The following RBFOX1 variants were observed in gnomAD, a reference collection of about 807,000 sequenced individuals.
RBFOX1 encodes the protein RNA binding fox-1 homolog 1.
In RBFOX1, 8 loss-of-function variants were observed where a neutral mutation model predicts 57.7. That is an observed-to-expected ratio of 0.14 (90% CI 0.08 to 0.25). The LOEUF is 0.25. Ranked by LOEUF, RBFOX1 falls within the 10% of genes least tolerant of loss-of-function variation. The pLI is 1.00. For missense variants in RBFOX1, 611 were observed against 548.5 expected (o/e 1.11, Z -1.14); for synonymous variants, 326 against 222.4 (o/e 1.47, Z -4.15).
intron 2 of RBFOX1, among the ~76,000 whole-genome samples, chr16:5,547,482 T>C (rs971380012): frequency 4.0e-5 from 6 of 151,734 alleles, no homozygotes; most frequent in Non-Finnish European, 5.9e-5. Context: ...AAAATCTTTA[T>C]GCTCAGTGAA....
intron 3 of RBFOX1, among the ~76,000 whole-genome samples, chr16:5,621,144 T>A (rs1160878514): frequency 6.6e-6 from 1 of 152,194 alleles, no homozygotes; most frequent in African/African-American, 2.4e-5. Context: ...CCCAGCCTGC[T>A]AATTTTTATT....
chr16:7,573,136 C>A (rs1170734131), intron 5 of RBFOX1, among the ~76,000 whole-genome samples: 1 of 152,136 alleles, frequency 6.6e-6, no homozygotes, highest in Non-Finnish European at 1.5e-5. Flanking sequence ...CAATGGGTGA[C>A]ACCTGGGCAG....
chr16:6,614,098 G>A (rs927728118), intron 2 of RBFOX1, among the ~76,000 whole-genome samples: 5 of 152,060 alleles, frequency 3.3e-5, no homozygotes, highest in African/African-American at 4.8e-5. Context: ...ATTTTATAAC[G>A]AATAGGTAAT....
At chr16:7,120,834 C>CACACACACACACACACACACAT (rs2066985459) in intron 4 of RBFOX1, among the ~76,000 whole-genome samples, 17 of 87,458 alleles carry the variant, frequency 1.9e-4, no homozygotes, top group Admixed American at 1.4e-3. Flanking sequence ...TATATATACA[C>CACACACACACACACACACACAT]ACACACACAC....
rs535109050 is a variant in RBFOX1 at position 5,538,793 on chromosome 16, A to T, written c.259-60109A>T. Among the ~76,000 whole-genome samples the T allele has an allele frequency of 1.3e-4, 20 of 151,852 alleles. No homozygotes were observed. In the East Asian group the frequency reaches 3.9e-3, roughly 30 times the overall value. On this transcript the variant is annotated intron_variant, in intron 2 of 2. Coordinates refer to the RBFOX1 transcript ENST00000585867. ...AGGCACGCACCACCATGCCCAGCTA[A>T]TTTTTTGTATTTTTAGTAGAGACAG...
chr16:6,824,431 C>A (rs1001679257), intron 3 of RBFOX1, among the ~76,000 whole-genome samples: 1 of 152,180 alleles, frequency 6.6e-6, no homozygotes, highest in Admixed American at 6.5e-5. Flanking sequence ...AGTTATCTTA[C>A]TGTCAAGGCA....
intron 1 of RBFOX1, among the ~76,000 whole-genome samples, chr16:5,445,529 C>T (rs1278216726): frequency 6.6e-6 from 1 of 152,204 alleles, no homozygotes; most frequent in Non-Finnish European, 1.5e-5. Flanking sequence ...AGTCAATGCA[C>T]TCCTACTTGT....
intron 1 of RBFOX1, among the ~76,000 whole-genome samples, chr16:6,065,765 A>C (rs2095753287): frequency 6.6e-6 from 1 of 152,180 alleles, no homozygotes; most frequent in South Asian, 2.1e-4. Flanking sequence ...TGTAATGCTT[A>C]TAACAGCCTC....
chr16:6,464,966 C>G (rs1184289168), intron 2 of RBFOX1, among the ~76,000 whole-genome samples: 2 of 152,198 alleles, frequency 1.3e-5, no homozygotes, highest in South Asian at 2.1e-4. Context: ...AAATCACTTA[C>G]TAGCTCAGGT....
chr16:6,297,753 G>T (rs896835246), intron 1 of RBFOX1, among the ~76,000 whole-genome samples: 2 of 152,124 alleles, frequency 1.3e-5, no homozygotes, highest in Non-Finnish European at 2.9e-5. Flanking sequence ...CAGAAGAATG[G>T]CAGAATGGCA....
chr16:5,254,667 C>T lies in RBFOX1; in HGVS notation c.219+14562C>T, dbSNP rs528771699. Reference sequence around the variant, plus strand: ...CTACAGCCTGCTTCCCACCTGCATCCCCCACCCAGCTTGTTCTGGATTTTG... The same window carrying T: ...CTACAGCCTGCTTCCCACCTGCATCTCCCACCCAGCTTGTTCTGGATTTTG... On this transcript the variant is annotated intron_variant, in intron 1 of 2. Transcript: ENST00000585867. 4.3e-4 allele frequency among the ~76,000 whole-genome samples: 66 copies of T among 152,254 alleles called. No homozygotes were observed. In the South Asian group the frequency reaches 5.8e-3, roughly 13 times the overall value.
At position 7,011,355 on chromosome 16, in the gene RBFOX1, A is replaced by C. The variant is rs560463962; in HGVS notation, c.-15-40702A>C. Among the ~76,000 whole-genome samples the C allele has an allele frequency of 5.9e-5, 9 of 152,318 alleles. No individual in the cohort carries two copies. In the South Asian group the frequency reaches 1.0e-3, roughly 18 times the overall value. The stretch of plus-strand genomic sequence containing the variant: ...CCCAGAAAGCTTAAGCAATTTGCCA[A>C]GGTCTTAAAGAGTGCAAGTGTGGCA... On this transcript the variant is annotated intron_variant, in intron 3 of 15. Transcript: ENST00000550418.
At chr16:7,706,038 C>G (rs2082327675) in intron 14 of RBFOX1, among the ~76,000 whole-genome samples, 1 of 152,108 alleles carries the variant, frequency 6.6e-6, no homozygotes, top group Non-Finnish European at 1.5e-5. Context: ...CTGGGTATTG[C>G]TGTGCTCTGT....
chr16:6,674,107 T>C (rs1016986399), intron 3 of RBFOX1, among the ~76,000 whole-genome samples: 10 of 152,274 alleles, frequency 6.6e-5, no homozygotes, highest in African/African-American at 2.2e-4. Context: ...ACCATTCAAA[T>C]TGGCTTAAGC....
chr16:6,689,966 A>G (rs917190036), intron 3 of RBFOX1, among the ~76,000 whole-genome samples: 8 of 152,222 alleles, frequency 5.3e-5, no homozygotes, highest in Non-Finnish European at 7.3e-5. Flanking sequence ...TCCCCAGAGT[A>G]TAAGGGCAAG....
intron 5 of RBFOX1, among the ~76,000 whole-genome samples, chr16:7,553,337 A>C (rs1234755508): frequency 6.6e-6 from 1 of 151,708 alleles, no homozygotes; most frequent in Non-Finnish European, 1.5e-5. Flanking sequence ...TAGAGATGGG[A>C]TCTCCCAGTG....
chr16:7,002,809 T>C (rs140930717), intron 3 of RBFOX1, among the ~76,000 whole-genome samples: 1 of 152,168 alleles, frequency 6.6e-6, no homozygotes, highest in African/African-American at 2.4e-5. Context: ...TGTGTTGTGG[T>C]AGATGCTATA....
At chr16:6,629,003 C>G (rs1027501316) in intron 2 of RBFOX1, among the ~76,000 whole-genome samples, 1 of 152,122 alleles carries the variant, frequency 6.6e-6, no homozygotes, top group African/African-American at 2.4e-5. Flanking sequence ...GCACTGCAGC[C>G]TGGGTGACAG....
chr16:7,303,503 G>A (rs1490224003), intron 4 of RBFOX1, among the ~76,000 whole-genome samples: 2 of 152,226 alleles, frequency 1.3e-5, no homozygotes, highest in Admixed American at 6.5e-5. Flanking sequence ...GCGCTCGCTC[G>A]CCTGCTCACC....
Sources: gnomAD v4.1 joint callset for allele counts (sites outside exome capture counted in the v4.1 genomes callset) on GRCh38, gnomAD v4.1.1 for gene constraint, MANE v1.5 for transcripts, NCBI Gene and HGNC (gene_info 2026-07-23, HGNC 2026-07-21) for gene names.